CNTLN: variants seen among roughly 807,000 people sequenced by gnomAD.
CNTLN encodes centlein.
Under a neutral mutation model 180.0 loss-of-function variants are expected in CNTLN, and 212 were observed. The observed-to-expected ratio is 1.18, with a 90% CI of 1.05 to 1.32. The LOEUF is 1.32. Ranked by LOEUF, CNTLN falls within the 40% of genes most tolerant of loss-of-function variation. The pLI is 0.00. For missense variants in CNTLN, 2,095 were observed against 1,610.9 expected (o/e 1.30, Z -5.14); for synonymous variants, 722 against 563.1 (o/e 1.28, Z -3.99).
the CNTLN span, among the ~76,000 whole-genome samples, chr9:17,509,229 A>G: frequency 8.9e-4 from 136 of 152,142 alleles, no homozygotes; most frequent in African/African-American, 3.0e-3. Context: ...ACAGACCAAC[A>G]CTCAGCCCTT....
chr9:17,375,180 C>T lies in CNTLN; in HGVS notation c.1987+8463C>T, dbSNP rs536156618. ...AATAAGCCAGGTATAGAAAGACAGA[C>T]TTCACATGTTCTCACTTATTGGTGG... On this transcript the variant is annotated intron_variant, in intron 13 of 25. Transcript: ENST00000380647. 5.9e-5 allele frequency among the ~76,000 whole-genome samples: 9 copies of T among 152,244 alleles called. No homozygotes were observed. In the East Asian group the frequency reaches 1.5e-3, roughly 26 times the overall value.
At chr9:17,301,673 A>C in intron 7 of CNTLN, 1 of 967,164 alleles carries the variant, frequency 1.0e-6, no homozygotes, top group Non-Finnish European at 1.2e-6. Context: ...TACAGTTTTC[A>C]TTAGTATCCT....
chr9:17,527,956 T>A, the CNTLN span, among the ~76,000 whole-genome samples: 1 of 152,028 alleles, frequency 6.6e-6, no homozygotes, highest in African/African-American at 2.4e-5. Flanking sequence ...AAATAAATAT[T>A]TTGTGGCACA....
chr9:17,147,093 A>G (rs1818507262), intron 2 of CNTLN, among the ~76,000 whole-genome samples: 1 of 152,122 alleles, frequency 6.6e-6, no homozygotes, highest in African/African-American at 2.4e-5. Flanking sequence ...ATATCTGTTT[A>G]CCAGAAGGTT....
rs1040376759 is a variant in CNTLN at position 17,257,619 on chromosome 9, C to T, written c.850-16114C>T. Among the ~76,000 whole-genome samples, 9 of 151,424 alleles carry T rather than the reference C, an allele frequency of 5.9e-5. No individual in the cohort carries two copies. The South Asian group carries it at 8.3e-4, about 14-fold the overall frequency. ...CAGTGTAAAAGTGTTCCTATTTCTCCGCATCCTCTCCAGCACCTGTTGTTT... is the reference window on the plus strand; with the variant it reads ...CAGTGTAAAAGTGTTCCTATTTCTCTGCATCCTCTCCAGCACCTGTTGTTT... On this transcript the variant is annotated intron_variant, in intron 5 of 25. Coordinates refer to ENST00000380647, the MANE Select transcript of CNTLN (RefSeq NM_017738.4).
intron 18 of CNTLN, among the ~76,000 whole-genome samples, chr9:17,437,089 GA>G (rs1243405703): frequency 1.3e-5 from 2 of 152,114 alleles, no homozygotes; most frequent in Non-Finnish European, 2.9e-5. Flanking sequence ...ATTTATCCAG[GA>G]ATTTGTGAAA....
At chr9:17,263,213 C>A (rs1435552817) in intron 5 of CNTLN, among the ~76,000 whole-genome samples, 4 of 116,200 alleles carry the variant, frequency 3.4e-5, no homozygotes, top group African/African-American at 1.1e-4. Flanking sequence ...CCACAACAGT[C>A]CCCGGAGTGT....
At chr9:17,336,933 A>G (rs555576052) in intron 10 of CNTLN, among the ~76,000 whole-genome samples, 6 of 152,262 alleles carry the variant, frequency 3.9e-5, no homozygotes, top group African/African-American at 1.2e-4. Context: ...TCCCGCCAAC[A>G]GTGTACAAGT....
In CNTLN at chr9:17,503,348, C is replaced by T. The variant is rs902151081; in HGVS notation, c.*696C>T. On this transcript the variant is annotated 3_prime_UTR_variant, in exon 26 of 26. Transcript: ENST00000380647. Reference sequence around the variant, plus strand: ...TAGGCTCTATTTAACAGAACTACTACTGTGGTCAGCTAATTTAAGTTACAT... The same window carrying T: ...TAGGCTCTATTTAACAGAACTACTATTGTGGTCAGCTAATTTAAGTTACAT... 2 of 152,200 alleles carry T rather than the reference C, an allele frequency of 1.3e-5. No homozygotes were observed. The highest frequency in any genetic ancestry group is 2.9e-5 in the Non-Finnish European group (2 of 68,044). The allele number at this position is 152,200 out of a possible 1,614,324, so 9.4% of individuals were successfully genotyped here.
chr9:17,414,219 G>A (rs1291526164), intron 16 of CNTLN, among the ~76,000 whole-genome samples: 1 of 152,112 alleles, frequency 6.6e-6, no homozygotes, highest in African/African-American at 2.4e-5. Context: ...CTTTTGTATG[G>A]TCTCTGAATT....
chr9:17,372,111 TCAGAG>T (rs1193680086), intron 13 of CNTLN, among the ~76,000 whole-genome samples: 3 of 151,838 alleles, frequency 2.0e-5, no homozygotes, highest in Non-Finnish European at 2.9e-5. Context: ...GTAGTAAAGA[TCAGAG>T]CAGAGATAAA....
intron 15 of CNTLN, among the ~76,000 whole-genome samples, chr9:17,406,501 T>G (rs1827403575): frequency 6.6e-6 from 1 of 151,726 alleles, no homozygotes; most frequent in Non-Finnish European, 1.5e-5. Flanking sequence ...CTCCCTCTCC[T>G]CTAAGTTTTG....
chr9:17,472,345 C>T (rs1019837821), intron 23 of CNTLN, among the ~76,000 whole-genome samples: 1 of 152,056 alleles, frequency 6.6e-6, no homozygotes, highest in African/African-American at 2.4e-5. Flanking sequence ...ATATTAGAGT[C>T]ACGCACCCCA....
In CNTLN at chr9:17,359,717, TAAAAATACA is replaced by T. The variant is rs1262363680; in HGVS notation, c.1887-6894_1887-6886del. 3.0e-4 allele frequency among the ~76,000 whole-genome samples: 4 copies of T among 13,478 alleles called. 1 individual carries two copies. Among genetic ancestry groups the T allele is most frequent in the South Asian group, 3.0e-3 (1 of 328 alleles). 8.8% of individuals were successfully genotyped at this position (13,478 alleles called of 152,430 possible). A position where few individuals can be genotyped will look rare whatever the true frequency, so the allele number is the denominator to read the frequency against. ...TAACACGGTGAAACTCCGTCTATACTAAAAATACAAAAAAAAAAAAAAAAAAAAAAAAAC... is the reference window on the plus strand; with the variant it reads ...TAACACGGTGAAACTCCGTCTATACTAAAAAAAAAAAAAAAAAAAAAAAAC... On this transcript the variant is annotated intron_variant, in intron 12 of 25. Coordinates refer to ENST00000380647, the MANE Select transcript of CNTLN (RefSeq NM_017738.4).
rs193056958 is a variant in CNTLN at position 17,155,034 on chromosome 9, C to G, written c.449+11658C>G. Among the ~76,000 whole-genome samples, 821 of 152,182 alleles carry G rather than the reference C, an allele frequency of 5.4e-3. 6 individuals carry two copies. The highest frequency in any genetic ancestry group is 8.0e-3 in the Admixed American group (122 of 15,280). ...ACCACGAACCACTGGGAGGAACAGA[C>G]GACTCTGGATGCGCCACCTTTAAGA... is the stretch of plus-strand genomic sequence containing the variant. On this transcript the variant is annotated intron_variant, in intron 2 of 25. Coordinates refer to ENST00000380647, the MANE Select transcript of CNTLN (RefSeq NM_017738.4).
chr9:17,431,003 G>T (rs965118949), intron 18 of CNTLN, among the ~76,000 whole-genome samples: 6 of 152,054 alleles, frequency 3.9e-5, no homozygotes, highest in South Asian at 2.1e-4. Flanking sequence ...GAATAATGCT[G>T]CAGTAAACAT....
At chr9:17,342,787 G>A (rs898191822) in intron 12 of CNTLN, among the ~76,000 whole-genome samples, 2 of 152,266 alleles carry the variant, frequency 1.3e-5, no homozygotes, top group Admixed American at 6.5e-5. Flanking sequence ...AACCTAGCCA[G>A]CCATCCTTGT....
intron 25 of CNTLN, among the ~76,000 whole-genome samples, chr9:17,487,408 A>T (rs1222214727): frequency 6.6e-6 from 1 of 152,100 alleles, no homozygotes; most frequent in Non-Finnish European, 1.5e-5. Context: ...TTAGTATTTG[A>T]TATGGACACC....
chr9:17,147,568 G>A (rs1341683598), intron 2 of CNTLN, among the ~76,000 whole-genome samples: 1 of 152,054 alleles, frequency 6.6e-6, no homozygotes, highest in Non-Finnish European at 1.5e-5. Flanking sequence ...GTCTCTATGA[G>A]TCTATGCTTC....
Sources: allele counts gnomAD v4.1 joint callset (sites outside exome capture counted in the v4.1 genomes callset), GRCh38; gene constraint gnomAD v4.1.1; transcripts MANE v1.5; gene names NCBI Gene and HGNC (gene_info 2026-07-23, HGNC 2026-07-21).